The following HHAT variants were observed in gnomAD, a reference collection of about 807,000 sequenced individuals.
HHAT encodes the protein protein-cysteine N-palmitoyltransferase HHAT.
In HHAT, 47 loss-of-function variants were observed where a neutral mutation model predicts 70.8. That is an observed-to-expected ratio of 0.66 (90% CI 0.53 to 0.85). The LOEUF (loss-of-function observed/expected upper bound fraction) is 0.85, where lower values mean the gene tolerates loss of function less well. HHAT is among the 40% of genes least tolerant of loss of function. The pLI is 0.00. For synonymous variants in HHAT, 228 were observed against 247.6 expected (o/e 0.92, Z 0.74); for missense variants, 609 against 604.8 (o/e 1.01, Z -0.07).
intron 11 of HHAT, among the ~76,000 whole-genome samples, chr1:210,637,919 A>G (rs1268995560): frequency 6.6e-6 from 1 of 152,148 alleles, no homozygotes; most frequent in Admixed American, 6.5e-5. Context: ...GAAGATCTAC[A>G]AATGATTAAT....
chr1:210,331,482 C>A (rs1320075718), intron 1 of HHAT, among the ~76,000 whole-genome samples: 2 of 152,088 alleles, frequency 1.3e-5, no homozygotes, highest in Non-Finnish European at 2.9e-5. Flanking sequence ...CTTCTAGGGC[C>A]CGGTCATTTG....
chr1:210,571,999 A>G (rs556061314), intron 9 of HHAT, among the ~76,000 whole-genome samples: 1 of 152,326 alleles, frequency 6.6e-6, no homozygotes, highest in South Asian at 2.1e-4. Context: ...CCCTGACTGC[A>G]TTAAGAGAAA....
intron 1 of HHAT, among the ~76,000 whole-genome samples, chr1:210,330,439 A>G (rs940728923): frequency 5.9e-5 from 9 of 152,234 alleles, no homozygotes; most frequent in Non-Finnish European, 1.0e-4. Flanking sequence ...CAAAGCCACA[A>G]ACTAGTACAT....
At chr1:210,449,008 A>G (rs1196123002) in intron 7 of HHAT, among the ~76,000 whole-genome samples, 1 of 152,150 alleles carries the variant, frequency 6.6e-6, no homozygotes, top group Non-Finnish European at 1.5e-5. Context: ...CTCATGTGGC[A>G]TTTGGCTATT....
At chr1:210,406,225 A>T (rs978424600) in intron 6 of HHAT, among the ~76,000 whole-genome samples, 23 of 152,204 alleles carry the variant, frequency 1.5e-4, no homozygotes, top group Middle Eastern at 3.2e-3. Flanking sequence ...ATCCACACAC[A>T]GACACCCCTC....
intron 6 of HHAT, among the ~76,000 whole-genome samples, chr1:210,407,089 C>G (rs1411571733): frequency 6.6e-6 from 1 of 152,002 alleles, no homozygotes; most frequent in Non-Finnish European, 1.5e-5. Flanking sequence ...TCTGCACTTG[C>G]TGAAGGTGGC....
intron 9 of HHAT, among the ~76,000 whole-genome samples, chr1:210,577,802 C>T (rs910784385): frequency 6.6e-6 from 1 of 151,764 alleles, no homozygotes; most frequent in Non-Finnish European, 1.5e-5. Flanking sequence ...TGCACCACCA[C>T]GCTGGGCTAA....
chr1:210,456,040 A>G (rs952994645), intron 7 of HHAT, among the ~76,000 whole-genome samples: 1 of 152,150 alleles, frequency 6.6e-6, no homozygotes, highest in Non-Finnish European at 1.5e-5. Flanking sequence ...TCAGGAGAGC[A>G]CCAGGTTTTG....
At chr1:210,628,068 G>T (rs528897606) in intron 11 of HHAT, among the ~76,000 whole-genome samples, 1 of 152,228 alleles carries the variant, frequency 6.6e-6, no homozygotes, top group East Asian at 1.9e-4. Context: ...TAATTCAAAG[G>T]TATCAAGGAG....
intron 7 of HHAT, among the ~76,000 whole-genome samples, chr1:210,419,754 C>G (rs1187059392): frequency 6.6e-6 from 1 of 152,094 alleles, no homozygotes; most frequent in Non-Finnish European, 1.5e-5. Flanking sequence ...CCAAACAAAA[C>G]TTTTTATAGT....
Position 210,599,503 on chromosome 1 carries a change from A to G in HHAT, c.1245+11404A>G, listed in dbSNP as rs1183266346. 1.3e-5 allele frequency among the ~76,000 whole-genome samples: 2 copies of G among 152,096 alleles called. 1 individual carries two copies. Among genetic ancestry groups the G allele is most frequent in the Middle Eastern group, 6.3e-3 (2 of 316 alleles). The stretch of plus-strand genomic sequence containing the variant: ...TAATTCCAGCATACTCTCTTTCCCC[A>G]AATGACACCACCATCTATCTAGCTA... On this transcript the variant is annotated intron_variant, in intron 10 of 11. Coordinates refer to ENST00000261458, the MANE Select transcript of HHAT (RefSeq NM_018194.6).
chr1:210,537,547 C>T (rs1021131913), intron 9 of HHAT, among the ~76,000 whole-genome samples: 9 of 152,148 alleles, frequency 5.9e-5, no homozygotes, highest in Admixed American at 1.3e-4. Context: ...TTCCGTCTTC[C>T]GTCTTCTGCA....
intron 6 of HHAT, among the ~76,000 whole-genome samples, chr1:210,412,040 C>CTTCCTG (rs2092575661): frequency 1.3e-5 from 2 of 152,206 alleles, no homozygotes; most frequent in African/African-American, 4.8e-5. Context: ...TAAGGGCCTG[C>CTTCCTG]TTCCTGGTTC....
intron 11 of HHAT, among the ~76,000 whole-genome samples, chr1:210,634,096 T>C (rs960494580): frequency 6.6e-6 from 1 of 152,206 alleles, no homozygotes; most frequent in African/African-American, 2.4e-5. Flanking sequence ...TTAAAAAAGT[T>C]ATTGTATTTC....
chr1:210,628,681 A>G (rs1343145477), intron 11 of HHAT, among the ~76,000 whole-genome samples: 1 of 152,154 alleles, frequency 6.6e-6, no homozygotes, highest in Non-Finnish European at 1.5e-5. Flanking sequence ...TTTTCTTGCT[A>G]TTTCTAGCTG....
At chr1:210,535,833 C>A (rs1319488598) in intron 9 of HHAT, among the ~76,000 whole-genome samples, 1 of 152,172 alleles carries the variant, frequency 6.6e-6, no homozygotes, top group African/African-American at 2.4e-5. Flanking sequence ...CCAAACCAAA[C>A]CCACTACAAC....
At chr1:210,637,880 CAAA>C (rs1320994871) in intron 11 of HHAT, among the ~76,000 whole-genome samples, 1 of 139,268 alleles carries the variant, frequency 7.2e-6, no homozygotes, top group African/African-American at 2.7e-5. Flanking sequence ...AAGGGGGGGG[CAAA>C]GGACCTGAAT....
At chr1:210,446,161 C>T (rs1228986703) in intron 7 of HHAT, among the ~76,000 whole-genome samples, 2 of 152,092 alleles carry the variant, frequency 1.3e-5, no homozygotes, top group African/African-American at 2.4e-5. Flanking sequence ...TGGCCTCGTC[C>T]CCAGCCTTTT....
intron 10 of HHAT, among the ~76,000 whole-genome samples, chr1:210,602,300 C>T (rs983215353): frequency 6.6e-6 from 1 of 151,776 alleles, no homozygotes; most frequent in Non-Finnish European, 1.5e-5. Context: ...GCATTACGTG[C>T]GAGTGGCCAG....
Sources: gnomAD v4.1 joint callset for allele counts (sites outside exome capture counted in the v4.1 genomes callset) on GRCh38, gnomAD v4.1.1 for gene constraint, MANE v1.5 for transcripts, NCBI Gene and HGNC (gene_info 2026-07-23, HGNC 2026-07-21) for gene names.